Variants in HEMK2 observed in about 807,000 individuals in gnomAD.
HEMK2 encodes HemK methyltransferase 2, ETF1 glutamine and histone H4 lysine, also known as methyltransferase HEMK2.
chr21:28,582,332 T>C, the HEMK2 span, among the ~76,000 whole-genome samples: 3 of 152,200 alleles, frequency 2.0e-5, no homozygotes, highest in Admixed American at 1.3e-4. Context: ...TATATTAATA[T>C]CATTTTTTTT....
the HEMK2 span, among the ~76,000 whole-genome samples, chr21:28,879,216 G>C: frequency 6.6e-6 from 1 of 150,792 alleles, no homozygotes; most frequent in Non-Finnish European, 1.5e-5. Context: ...TCCCAAGTAT[G>C]TAGGACTACA....
At chr21:28,807,306 G>A in the HEMK2 span, among the ~76,000 whole-genome samples, 16,937 of 152,078 alleles carry the variant, frequency 0.11, 2,354 homozygotes, top group African/African-American at 0.32. Context: ...AAAAACCCGG[G>A]AGTCATCCTA....
chr21:28,576,395 ATC>A, the HEMK2 span, among the ~76,000 whole-genome samples: 1 of 152,104 alleles, frequency 6.6e-6, no homozygotes, highest in South Asian at 2.1e-4. Flanking sequence ...CTTGTGAAGT[ATC>A]TCTTTCAGTT....
chr21:28,776,888 T>C, the HEMK2 span, among the ~76,000 whole-genome samples: 1 of 152,184 alleles, frequency 6.6e-6, no homozygotes, highest in African/African-American at 2.4e-5. Context: ...GATTAGATGG[T>C]ACCCTCCCAG....
At chr21:28,881,673 ACAGGCT>A in the HEMK2 span, among the ~76,000 whole-genome samples, 1 of 133,646 alleles carries the variant, frequency 7.5e-6, no homozygotes, top group East Asian at 2.2e-4. Flanking sequence ...GTTCTGTTCC[ACAGGCT>A]GGAGTGCAGT....
chr21:28,841,238 TTA>T, the HEMK2 span, among the ~76,000 whole-genome samples: 3 of 3,832 alleles, frequency 7.8e-4, no homozygotes, highest in South Asian at 6.3e-3. Flanking sequence ...TTATATATAT[TTA>T]TATATATAAT....
chr21:28,687,239 T>C, the HEMK2 span, among the ~76,000 whole-genome samples: 4 of 152,352 alleles, frequency 2.6e-5, no homozygotes, highest in Middle Eastern at 3.4e-3. Context: ...ACATGTCTTA[T>C]ACAAAGCTGA....
At chr21:28,620,660 CTTTTTTTTTTTTT>C in the HEMK2 span, among the ~76,000 whole-genome samples, 71 of 49,654 alleles carry the variant, frequency 1.4e-3, 1 homozygote, top group Admixed American at 7.7e-3. Flanking sequence ...TCTCTCTTTT[CTTTTTTTTTTTTT>C]TTTTTTTTTT....
the HEMK2 span, among the ~76,000 whole-genome samples, chr21:28,685,361 C>A: frequency 6.6e-6 from 1 of 151,920 alleles, no homozygotes; most frequent in African/African-American, 2.4e-5. Context: ...GCCAGTATAC[C>A]AGAAAGGACA....
chr21:28,748,972 CT>C, the HEMK2 span, among the ~76,000 whole-genome samples: 29,437 of 152,082 alleles, frequency 0.19, 3,557 homozygotes, highest in African/African-American at 0.34. Flanking sequence ...ACATCACATA[CT>C]TTTAAGATCT....
chr21:28,642,743 G>T, the HEMK2 span, among the ~76,000 whole-genome samples: 1 of 152,202 alleles, frequency 6.6e-6, no homozygotes, highest in African/African-American at 2.4e-5. Context: ...CTCTGAAGCC[G>T]CACCATCCAA....
the HEMK2 span, among the ~76,000 whole-genome samples, chr21:28,696,478 G>A: frequency 6.6e-6 from 1 of 152,292 alleles, no homozygotes; most frequent in South Asian, 2.1e-4. Context: ...ATGGTCTCGG[G>A]TAGCTCTGCC....
chr21:28,721,350 A>T, the HEMK2 span, among the ~76,000 whole-genome samples: 1 of 152,282 alleles, frequency 6.6e-6, no homozygotes, highest in African/African-American at 2.4e-5. Context: ...CCTGGGCTCA[A>T]GGTATCCTCC....
the HEMK2 span, among the ~76,000 whole-genome samples, chr21:28,658,548 G>A: frequency 1.3e-5 from 2 of 152,182 alleles, no homozygotes; most frequent in East Asian, 1.9e-4. Context: ...CTGCCTGCAG[G>A]AGGTTGTAAT....
At chr21:28,686,390 G>A in the HEMK2 span, among the ~76,000 whole-genome samples, 85,142 of 151,638 alleles carry the variant, frequency 0.56, 26,771 homozygotes, top group East Asian at 0.84. Context: ...ACCCACCACT[G>A]TGCCCGGCTA....
the HEMK2 span, among the ~76,000 whole-genome samples, chr21:28,837,560 G>T: frequency 6.6e-6 from 1 of 152,096 alleles, no homozygotes; most frequent in East Asian, 1.9e-4. Flanking sequence ...TGAGTGGAAA[G>T]TTCACATCCC....
At chr21:28,724,043 G>T in the HEMK2 span, among the ~76,000 whole-genome samples, 6 of 152,206 alleles carry the variant, frequency 3.9e-5, no homozygotes, top group Non-Finnish European at 8.8e-5. Context: ...TGGAAGAAGT[G>T]AGGACAATAC....
At chr21:28,670,286 G>T in the HEMK2 span, among the ~76,000 whole-genome samples, 1 of 152,158 alleles carries the variant, frequency 6.6e-6, no homozygotes, top group Non-Finnish European at 1.5e-5. Flanking sequence ...AGGAACTGAT[G>T]CAAATGACTC....
At chr21:28,795,334 G>T in the HEMK2 span, among the ~76,000 whole-genome samples, 1 of 152,124 alleles carries the variant, frequency 6.6e-6, no homozygotes, top group Non-Finnish European at 1.5e-5. Context: ...TAACTAAGGT[G>T]CTTCTCTCCC....
Sources: gnomAD v4.1 joint callset for allele counts (sites outside exome capture counted in the v4.1 genomes callset) on GRCh38, gnomAD v4.1.1 for gene constraint, MANE v1.5 for transcripts, NCBI Gene and HGNC (gene_info 2026-07-23, HGNC 2026-07-21) for gene names.